Variants in PCDH11X observed in about 807,000 individuals in gnomAD.
PCDH11X encodes the protein protocadherin-11 X-linked.
Under a neutral mutation model 53.3 loss-of-function variants are expected in PCDH11X, and 18 were observed. The observed-to-expected ratio is 0.34, with a 90% CI of 0.23 to 0.50. The LOEUF is 0.50. PCDH11X is among the 20% of genes least tolerant of loss of function. PCDH11X has a pLI of 0.98. For missense variants in PCDH11X, 570 were observed against 1,032.4 expected, an observed-to-expected ratio of 0.55 and a Z score of 6.14; for synonymous variants, 279 against 393.3, an observed-to-expected ratio of 0.71 and a Z score of 3.44.
intron 1 of PCDH11X, among the ~76,000 whole-genome samples, chrX:91,797,691 G>A (rs1935783851): frequency 1.9e-5 from 2 of 107,275 alleles, no homozygotes; most frequent in Admixed American, 2.0e-4. Flanking sequence ...ATTAACTGCT[G>A]GTTTTATTTT....
chrX:92,218,807 G>T (rs1007772066), intron 7 of PCDH11X, among the ~76,000 whole-genome samples: 2 of 111,434 alleles, frequency 1.8e-5, no homozygotes, highest in African/African-American at 6.5e-5. Flanking sequence ...ATAAAATACT[G>T]GCAAACCGAA....
intron 6 of PCDH11X, among the ~76,000 whole-genome samples, chrX:91,942,075 C>G (rs1021858233): frequency 2.8e-5 from 3 of 108,594 alleles, no homozygotes; most frequent in Admixed American, 9.9e-5. Flanking sequence ...TTATTAGAAG[C>G]AATGACCTCA....
chrX:92,074,568 G>GA (rs35313188), intron 6 of PCDH11X, among the ~76,000 whole-genome samples: 1 of 110,888 alleles, frequency 9.0e-6, no homozygotes, highest in Non-Finnish European at 1.9e-5. Flanking sequence ...TATGTTATGT[G>GA]AAAAAAAATT....
At chrX:91,788,407 A>G (rs1480413935) in intron 1 of PCDH11X, among the ~76,000 whole-genome samples, 2 of 112,396 alleles carry the variant, frequency 1.8e-5, no homozygotes, top group Non-Finnish European at 3.8e-5. Flanking sequence ...TGCATTAAGT[A>G]TTTTATTTTT....
At chrX:91,788,099 T>G (rs1935394984) in intron 1 of PCDH11X, among the ~76,000 whole-genome samples, 1 of 111,842 alleles carries the variant, frequency 8.9e-6, no homozygotes, top group African/African-American at 3.3e-5. Context: ...ACAAACATAC[T>G]TGTTCCCTGC....
At chrX:91,892,013 G>A (rs1276202557) in intron 6 of PCDH11X, among the ~76,000 whole-genome samples, 1 of 28,566 alleles carries the variant, frequency 3.5e-5, no homozygotes, top group African/African-American at 1.7e-4. Flanking sequence ...AATTAGAGGG[G>A]TGTGTGTGTG....
chrX:92,104,185 CTG>C (rs2064324614), intron 6 of PCDH11X, among the ~76,000 whole-genome samples: 2 of 110,823 alleles, frequency 1.8e-5, no homozygotes, highest in Admixed American at 9.7e-5. Flanking sequence ...CGGAATGAAA[CTG>C]TAAGCCGGAA....
chrX:91,965,597 C>G (rs1183449135), intron 6 of PCDH11X, among the ~76,000 whole-genome samples: 1 of 107,386 alleles, frequency 9.3e-6, no homozygotes, highest in African/African-American at 3.5e-5. Flanking sequence ...ACAATGAAGT[C>G]ATTTTTACAA....
At chrX:92,597,864 A>G (rs966241147) in intron 10 of PCDH11X, among the ~76,000 whole-genome samples, 3 of 111,514 alleles carry the variant, frequency 2.7e-5, no homozygotes, top group Admixed American at 9.6e-5. Context: ...GAACCTACAA[A>G]CAAATCCAAA....
At chrX:92,228,222 C>T (rs1199314900) in intron 7 of PCDH11X, among the ~76,000 whole-genome samples, 2 of 111,484 alleles carry the variant, frequency 1.8e-5, no homozygotes, top group African/African-American at 6.5e-5. Flanking sequence ...ACTACTCAAG[C>T]AATAAATGTA....
intron 6 of PCDH11X, among the ~76,000 whole-genome samples, chrX:92,027,406 G>A (rs1425762148): frequency 9.0e-6 from 1 of 111,096 alleles, no homozygotes; most frequent in Non-Finnish European, 1.9e-5. Context: ...ATAGGGAGCC[G>A]AAGCAATTTT....
intron 10 of PCDH11X, among the ~76,000 whole-genome samples, chrX:92,543,824 A>G (rs1440437162): frequency 9.1e-6 from 1 of 109,936 alleles, no homozygotes; most frequent in Non-Finnish European, 1.9e-5. Flanking sequence ...GAATAACAGA[A>G]GGAAATACTA....
chrX:92,408,561 A>ATT (rs67798518), intron 9 of PCDH11X, among the ~76,000 whole-genome samples: 33 of 108,270 alleles, frequency 3.0e-4, no homozygotes, highest in South Asian at 8.2e-4. Flanking sequence ...AAGAAATAGT[A>ATT]TTTTTTTTAT....
rs180860648 is a variant in PCDH11X, at chrX:92,347,720, T to C, written c.3145-40015T>C. Among the ~76,000 whole-genome samples, 98 of 112,022 alleles carry C rather than the reference T, an allele frequency of 8.7e-4. 1 individual carries two copies. Among genetic ancestry groups the C allele is most frequent in the Non-Finnish European group, 1.0e-3 (53 of 53,173 alleles). ...TTATAACCTCATAGATAGTTTCTTC[T>C]GTTAAAACTACATTGGAGCAAAGTA... On this transcript the variant is annotated intron_variant, in intron 8 of 10. Transcript: ENST00000682573.
At chrX:92,224,223 C>G (rs1162517190) in intron 7 of PCDH11X, among the ~76,000 whole-genome samples, 1 of 112,064 alleles carries the variant, frequency 8.9e-6, no homozygotes, top group African/African-American at 3.2e-5. Context: ...TGTGCTGACT[C>G]TTTGAGGCAG....
At position 91,811,424 on chromosome X, in the gene PCDH11X, G is replaced by A. The variant is rs1936289962; in HGVS notation, c.-45+129G>A. ...CATTTTCTTAAAAGATTTGTTTTGA[G>A]TTTAAAATGTTAACAGTGAGATTGG... is the stretch of plus-strand genomic sequence containing the variant. On this transcript the variant is annotated intron_variant, in intron 4 of 10. Transcript: ENST00000682573. 14 of 550,433 alleles carry A rather than the reference G, an allele frequency of 2.5e-5. No homozygotes were observed. In the South Asian group the frequency reaches 5.3e-4, roughly 21 times the overall value. The allele number at this position is 550,433 out of a possible 1,213,427, so 45.4% of individuals were successfully genotyped here.
At chrX:92,606,232 C>CGAAAA (rs1926796842) in intron 10 of PCDH11X, among the ~76,000 whole-genome samples, 1 of 32,838 alleles carries the variant, frequency 3.0e-5, no homozygotes, top group Non-Finnish European at 4.6e-5. Flanking sequence ...AATTCCGTCT[C>CGAAAA]AAAAAAAAAA....
intron 6 of PCDH11X, among the ~76,000 whole-genome samples, chrX:91,947,200 T>TG (rs780568422): frequency 9.2e-6 from 1 of 108,658 alleles, no homozygotes; most frequent in Non-Finnish European, 1.9e-5. Context: ...AAGTTTGTGT[T>TG]GGGGGGGTGC....
intron 7 of PCDH11X, among the ~76,000 whole-genome samples, chrX:92,213,860 CAAAT>C (rs747413682): frequency 9.4e-6 from 1 of 106,752 alleles, no homozygotes; most frequent in Non-Finnish European, 2.0e-5. Context: ...AATAATAAAT[CAAAT>C]GAATAAAATA....
Sources: gnomAD v4.1 joint callset for allele counts (sites outside exome capture counted in the v4.1 genomes callset) on GRCh38, gnomAD v4.1.1 for gene constraint, MANE v1.5 for transcripts, NCBI Gene and HGNC (gene_info 2026-07-23, HGNC 2026-07-21) for gene names.